Variants in NELL2 observed in about 807,000 individuals in gnomAD.
NELL2 encodes the protein protein kinase C-binding protein NELL2.
A neutral mutation model predicts 109.6 loss-of-function variants in NELL2; 41 were observed. The ratio of observed to expected loss-of-function variants is 0.37; its 90% CI spans 0.29 to 0.49. The LOEUF is 0.49. Ranked by LOEUF, NELL2 falls within the 20% of genes least tolerant of loss-of-function variation. NELL2 has a pLI of 0.98. For missense variants in NELL2, 900 were observed against 1,008.3 expected (o/e 0.89, Z 1.45); for synonymous variants, 355 against 344.7 (o/e 1.03, Z -0.33).
chr12:44,537,800 G>A (rs1007984718), intron 15 of NELL2, among the ~76,000 whole-genome samples: 15 of 152,004 alleles, frequency 9.9e-5, no homozygotes, highest in African/African-American at 3.1e-4. Context: ...GAATGCAAAC[G>A]CATTACATTA....
intron 15 of NELL2, among the ~76,000 whole-genome samples, chr12:44,589,167 C>G (rs957683398): frequency 6.6e-6 from 1 of 152,028 alleles, no homozygotes; most frequent in Non-Finnish European, 1.5e-5. Context: ...AAAGCTCACA[C>G]TTTTGACTAT....
At chr12:44,874,906 C>T (rs1945268250) in intron 2 of NELL2, 1 of 222,146 alleles carries the variant, frequency 4.5e-6, no homozygotes, top group Admixed American at 5.2e-5. Flanking sequence ...CAATTTCACC[C>T]AAACGAGGCG....
At chr12:44,908,536 C>A (rs1023628841) in intron 1 of NELL2, among the ~76,000 whole-genome samples, 2 of 151,838 alleles carry the variant, frequency 1.3e-5, no homozygotes, top group African/African-American at 4.8e-5. Context: ...GAATGGAAGA[C>A]AATACCACCA....
chr12:44,638,155 T>C (rs1006853056), intron 13 of NELL2, among the ~76,000 whole-genome samples: 2 of 152,092 alleles, frequency 1.3e-5, no homozygotes, highest in Non-Finnish European at 2.9e-5. Context: ...ATTTAAGAAC[T>C]CCTGAAACAT....
intron 16 of NELL2, among the ~76,000 whole-genome samples, chr12:44,530,112 G>A (rs745865394): frequency 4.6e-4 from 70 of 152,104 alleles, no homozygotes; most frequent in Non-Finnish European, 3.2e-4. Context: ...TTTGATTTTT[G>A]ATAGGAGCAG....
chr12:44,661,353 T>G (rs1384531060), intron 13 of NELL2, among the ~76,000 whole-genome samples: 1 of 152,210 alleles, frequency 6.6e-6, no homozygotes, highest in Non-Finnish European at 1.5e-5. Context: ...ACTTTCTTTC[T>G]TGCACTAAAA....
At chr12:44,681,964 C>T (rs1948524252) in intron 12 of NELL2, among the ~76,000 whole-genome samples, 1 of 151,960 alleles carries the variant, frequency 6.6e-6, no homozygotes, top group South Asian at 2.1e-4. Context: ...AATGCTATTT[C>T]TAGTTCTAGA....
intron 9 of NELL2, among the ~76,000 whole-genome samples, chr12:44,716,404 G>T (rs1332088092): frequency 1.3e-5 from 2 of 152,076 alleles, no homozygotes; most frequent in Non-Finnish European, 2.9e-5. Flanking sequence ...ATGACTTAAA[G>T]TCTGGCTAAA....
intron 15 of NELL2, among the ~76,000 whole-genome samples, chr12:44,550,736 G>C (rs1373031585): frequency 6.6e-6 from 1 of 151,996 alleles, no homozygotes; most frequent in Non-Finnish European, 1.5e-5. Context: ...GACCAGGAGG[G>C]CATAACATAT....
chr12:44,547,084 C>G (rs1471560470), intron 15 of NELL2, among the ~76,000 whole-genome samples: 1 of 152,078 alleles, frequency 6.6e-6, no homozygotes, highest in Non-Finnish European at 1.5e-5. Context: ...AATCTCTATA[C>G]GAACAGAGCT....
chr12:44,522,191 A>G lies in NELL2; in HGVS notation c.1999-15T>C. 1 of 1,609,142 alleles carries G rather than the reference A, an allele frequency of 6.2e-7. No homozygotes were observed. Among genetic ancestry groups the G allele is most frequent in the Non-Finnish European group, 8.5e-7 (1 of 1,177,738 alleles). On this transcript the variant is annotated splice_polypyrimidine_tract_variant and intron_variant, in intron 17 of 19. Transcript: ENST00000429094. ...ACGAATCCATTCTGTATGAAAAAGAAAAAAAGCAGTTACCAAAAACCTCCA... is the reference window on the plus strand; with the variant it reads ...ACGAATCCATTCTGTATGAAAAAGAGAAAAAGCAGTTACCAAAAACCTCCA...
intron 15 of NELL2, among the ~76,000 whole-genome samples, chr12:44,566,593 T>C (rs1297196583): frequency 6.7e-6 from 1 of 148,542 alleles, no homozygotes; most frequent in Non-Finnish European, 1.5e-5. Flanking sequence ...CAATAGGAGC[T>C]ACAATAATTT....
chr12:44,886,136 GAAGGAAGGAAGA>G (rs1945470766), intron 1 of NELL2, among the ~76,000 whole-genome samples: 1 of 134,892 alleles, frequency 7.4e-6, no homozygotes, highest in Non-Finnish European at 1.6e-5. Context: ...AGGAAGGAAG[GAAGGAAGGAAGA>G]AAGGGAGAGA....
intron 1 of NELL2, among the ~76,000 whole-genome samples, chr12:44,892,653 C>T (rs558863198): frequency 6.6e-6 from 1 of 151,862 alleles, no homozygotes; most frequent in South Asian, 2.1e-4. Context: ...AAAACATTAG[C>T]CAGGAGTGGT....
chr12:44,897,150 T>G lies in NELL2; in HGVS notation c.38+16649A>C, dbSNP rs184197767. On this transcript the variant is annotated intron_variant, in intron 1 of 20. Coordinates refer to the NELL2 transcript ENST00000333837. The stretch of plus-strand genomic sequence containing the variant: ...AACAAGATGATGTCAGTAATAATCA[T>G]CTACTGAGGTTAGTAGAATACCCAT... Among the ~76,000 whole-genome samples, 425 of 152,234 alleles carry G rather than the reference T, an allele frequency of 2.8e-3. 2 individuals are homozygous for G. Among genetic ancestry groups the G allele is most frequent in the Non-Finnish European group, 4.2e-3 (284 of 68,018 alleles).
intron 9 of NELL2, among the ~76,000 whole-genome samples, chr12:44,728,146 G>A (rs1039804544): frequency 6.6e-6 from 1 of 152,034 alleles, no homozygotes; most frequent in Non-Finnish European, 1.5e-5. Flanking sequence ...ACAGAGGCAT[G>A]TGATTACCTG....
chr12:44,790,587 T>TAAC (rs898874536), intron 3 of NELL2, among the ~76,000 whole-genome samples: 1 of 147,984 alleles, frequency 6.8e-6, no homozygotes, highest in African/African-American at 2.5e-5. Flanking sequence ...AAAAACAAAA[T>TAAC]AACAACAACA....
upstream of NELL2, among the ~76,000 whole-genome samples, chr12:44,917,075 T>C (rs1457754103): frequency 6.6e-6 from 1 of 152,178 alleles, no homozygotes; most frequent in Non-Finnish European, 1.5e-5. Flanking sequence ...GTTTTGTTAA[T>C]CTGATTGGAG....
intron 2 of NELL2, among the ~76,000 whole-genome samples, chr12:44,847,609 A>C (rs1023226314): frequency 2.0e-5 from 3 of 151,862 alleles, no homozygotes; most frequent in African/African-American, 7.3e-5. Context: ...AATGACACCA[A>C]GGGAGCAGAA....
Sources: allele counts gnomAD v4.1 joint callset (sites outside exome capture counted in the v4.1 genomes callset), GRCh38; gene constraint gnomAD v4.1.1; transcripts MANE v1.5; gene names NCBI Gene and HGNC (gene_info 2026-07-23, HGNC 2026-07-21).